The following TLR2 variants were observed in gnomAD, a reference collection of about 807,000 sequenced individuals.
The protein encoded by TLR2 is toll-like receptor 2.
A neutral mutation model predicts 9.1 loss-of-function variants in TLR2; 7 were observed. That is an observed-to-expected ratio of 0.77 (90% CI 0.44 to 1.44). The LOEUF is 1.44. TLR2 is among the 40% of genes most tolerant of loss of function. The pLI, the probability that TLR2 is intolerant of heterozygous loss-of-function variation, is 0.01. For synonymous variants in TLR2, 317 were observed against 344.6 expected (o/e 0.92, Z 0.89); for missense variants, 812 against 904.6 (o/e 0.90, Z 1.31).
intron 2 of TLR2, among the ~76,000 whole-genome samples, chr4:153,698,084 A>T (rs2127045439): frequency 6.6e-6 from 1 of 152,302 alleles, no homozygotes; most frequent in Middle Eastern, 3.4e-3. Flanking sequence ...CTATAAGACA[A>T]ACAACCAAAC....
At chr4:153,708,849 G>T (rs1171196253), downstream of TLR2, among the ~76,000 whole-genome samples, 1 of 152,160 alleles carries the variant, frequency 6.6e-6, no homozygotes, top group African/African-American at 2.4e-5. Flanking sequence ...ACTATGCTTT[G>T]TGCTTACCTA....
chr4:153,694,146 AG>A (rs1736322753), intron 2 of TLR2, among the ~76,000 whole-genome samples: 1 of 152,268 alleles, frequency 6.6e-6, no homozygotes, highest in Admixed American at 6.5e-5. Context: ...CAGGAAACAA[AG>A]GGATGGGCCA....
Position 153,704,274 on chromosome 4 carries a change from C to T in TLR2, c.1367C>T (p.Pro456Leu). 6.2e-7 allele frequency: 1 copy of T among 1,614,028 alleles called. No individual in the cohort carries two copies. Among genetic ancestry groups the T allele is most frequent in the Non-Finnish European group, 8.5e-7 (1 of 1,180,020 alleles). Residue 456 changes from proline (P) to leucine (L), a missense_variant, in exon 3 of 3, where the codon CCC becomes CTC. Transcript: ENST00000642700. ...ATACACAGTGTAACAGGCTGCATTCCCAAGACACTGGAAATTTTAGATGTT... is the reference window on the plus strand; with the variant it reads ...ATACACAGTGTAACAGGCTGCATTCTCAAGACACTGGAAATTTTAGATGTT... ...TRIHSVTGCI[P>L]KTLEILDVSN...
At chr4:153,694,126 G>A (rs1408067871) in intron 2 of TLR2, among the ~76,000 whole-genome samples, 2 of 152,232 alleles carry the variant, frequency 1.3e-5, no homozygotes, top group Non-Finnish European at 2.9e-5. Context: ...TTAACTAAAA[G>A]TATTCCTTAC....
At chr4:153,708,531 TGAGA>T (rs1262478327), downstream of TLR2, among the ~76,000 whole-genome samples, 1 of 152,102 alleles carries the variant, frequency 6.6e-6, no homozygotes, top group East Asian at 1.9e-4. Flanking sequence ...TCAATCATAA[TGAGA>T]GAGGAGAAAA....
At chr4:153,686,768 T>A (rs1204430870) in intron 1 of TLR2, among the ~76,000 whole-genome samples, 2 of 152,070 alleles carry the variant, frequency 1.3e-5, no homozygotes, top group African/African-American at 2.4e-5. Flanking sequence ...TCCACAATCA[T>A]AGTGGGAGAT....
intron 2 of TLR2, 156 bp downstream of exon 2, chr4:153,688,203 G>A (rs1735846094): frequency 6.6e-6 from 1 of 152,212 alleles, no homozygotes; most frequent in Non-Finnish European, 1.5e-5. Context: ...AAGTAGATAA[G>A]GTTACTAGAA....
Position 153,705,560 on chromosome 4 carries a change from C to T in TLR2, c.*298C>T, listed in dbSNP as rs1014538907. On this transcript the variant is annotated 3_prime_UTR_variant, in exon 3 of 3. Transcript: ENST00000642700. ...CCAAGGGAATTGGTTGCAGGATCCT[C>T]GTGGATATCAAAATTCATAGATGAT... 7.6e-5 allele frequency: 18 copies of T among 235,728 alleles called. No homozygotes were observed. The highest frequency in any genetic ancestry group is 1.4e-4 in the Non-Finnish European group (16 of 112,644). 14.6% of individuals were successfully genotyped at this position (235,728 alleles called of 1,614,324 possible).
downstream of TLR2, chr4:153,710,490 C>G (rs747579203): frequency 1.6e-5 from 25 of 1,609,092 alleles, no homozygotes; most frequent in Non-Finnish European, 5.1e-6. Flanking sequence ...GCGCTCCCAG[C>G]TAAATCTCAG....
chr4:153,695,044 A>G (rs1463973351), intron 2 of TLR2, among the ~76,000 whole-genome samples: 2 of 152,208 alleles, frequency 1.3e-5, no homozygotes, highest in Non-Finnish European at 2.9e-5. Context: ...TTGTATATAT[A>G]TACCACATTT....
At chr4:153,688,080 T>G (rs1735836829) in intron 2 of TLR2, 33 bp downstream of exon 2, 1 of 152,168 alleles carries the variant, frequency 6.6e-6, no homozygotes, top group Non-Finnish European at 1.5e-5. Context: ...GCACTATACA[T>G]TTGCATTTTC....
At chr4:153,708,129 C>T (rs1560760325), downstream of TLR2, among the ~76,000 whole-genome samples, 1 of 152,170 alleles carries the variant, frequency 6.6e-6, no homozygotes, top group Non-Finnish European at 1.5e-5. Context: ...ATGGCATCTT[C>T]ATTTTTTTCT....
intron 2 of TLR2, among the ~76,000 whole-genome samples, chr4:153,698,762 C>T (rs1736681597): frequency 6.6e-6 from 1 of 152,140 alleles, no homozygotes; most frequent in Non-Finnish European, 1.5e-5. Flanking sequence ...TGGGAATCTG[C>T]AGGAAACTTA....
chr4:153,709,176 G>A (rs926528366), downstream of TLR2, among the ~76,000 whole-genome samples: 1 of 152,154 alleles, frequency 6.6e-6, no homozygotes, highest in Non-Finnish European at 1.5e-5. Flanking sequence ...GAAGCATTGG[G>A]CAGTTTGAAA....
downstream of TLR2, among the ~76,000 whole-genome samples, chr4:153,709,019 G>T (rs955575725): frequency 6.6e-6 from 1 of 152,022 alleles, no homozygotes; most frequent in Non-Finnish European, 1.5e-5. Context: ...CTCCACTGTG[G>T]AGAGCTTTCT....
At chr4:153,693,683 T>A (rs1736281046) in intron 2 of TLR2, among the ~76,000 whole-genome samples, 2 of 152,242 alleles carry the variant, frequency 1.3e-5, no homozygotes, top group South Asian at 4.1e-4. Context: ...TCACCTCTTC[T>A]GTTACTTCAT....
chr4:153,695,951 T>C lies in TLR2; in HGVS notation c.-16-6941T>C, dbSNP rs1358299071. Among the ~76,000 whole-genome samples the C allele has an allele frequency of 1.6e-4, 24 of 152,210 alleles. 1 individual carries two copies. The highest frequency in any genetic ancestry group is 1.2e-4 in the Non-Finnish European group (8 of 68,028). ...AGACTGTCCTTTCTGCAATGTATGT[T>C]CTTGACACTTTTATTGAAAATGAAT... On this transcript the variant is annotated intron_variant, in intron 2 of 2. Transcript: ENST00000642700.
intron 2 of TLR2, among the ~76,000 whole-genome samples, chr4:153,696,395 G>GT (rs945623773): frequency 2.0e-5 from 3 of 152,004 alleles, no homozygotes; most frequent in Non-Finnish European, 4.4e-5. Context: ...AGTGTTTATA[G>GT]TTTTCATTGT....
At chr4:153,685,720 T>G (rs1015661252) in intron 1 of TLR2, among the ~76,000 whole-genome samples, 5 of 152,208 alleles carry the variant, frequency 3.3e-5, no homozygotes, top group East Asian at 1.9e-4. Flanking sequence ...GTTAATTTTT[T>G]GGGGTACAGT....
Sources: allele counts gnomAD v4.1 joint callset (sites outside exome capture counted in the v4.1 genomes callset), GRCh38; gene constraint gnomAD v4.1.1; transcripts MANE v1.5; gene names NCBI Gene and HGNC (gene_info 2026-07-23, HGNC 2026-07-21).